Variants in AGTPBP1 observed in about 807,000 individuals in gnomAD.
AGTPBP1 encodes cytosolic carboxypeptidase 1.
A neutral mutation model predicts 143.9 loss-of-function variants in AGTPBP1; 70 were observed. The observed-to-expected ratio is 0.49, with a 90% CI of 0.40 to 0.59. AGTPBP1 has a LOEUF of 0.59. Ranked by LOEUF, AGTPBP1 falls within the 20% of genes least tolerant of loss-of-function variation. The pLI, the probability that AGTPBP1 is intolerant of heterozygous loss-of-function variation, is 0.00. For synonymous variants in AGTPBP1, 463 were observed against 500.2 expected (o/e 0.93, Z 0.99); for missense variants, 1,229 against 1,464.5 (o/e 0.84, Z 2.62).
intron 1 of AGTPBP1, among the ~76,000 whole-genome samples, chr9:85,715,439 A>G (rs1837643674): frequency 6.6e-6 from 1 of 152,142 alleles, no homozygotes; most frequent in Admixed American, 6.5e-5. Flanking sequence ...ACAGAGGAAG[A>G]CTACAAAACA....
At chr9:85,619,341 G>T in intron 15 of AGTPBP1, 40 bp from the exon 16 acceptor site, 8 of 1,391,064 alleles carry the variant, frequency 5.8e-6, no homozygotes, top group African/African-American at 1.5e-5. Context: ...AAAATACATT[G>T]CATTTAAACA....
intron 17 of AGTPBP1, among the ~76,000 whole-genome samples, chr9:85,598,756 G>C (rs574123420): frequency 1.3e-5 from 2 of 152,226 alleles, no homozygotes; most frequent in East Asian, 3.9e-4. Flanking sequence ...GTCTTGCTCT[G>C]TTGCTCAGGC....
At position 85,662,263 on chromosome 9, in the gene AGTPBP1, A is replaced by C. The variant is rs572876133; in HGVS notation, c.663-1290T>G. ...CAGTAAGAGGAAGTTCTTAATGGCTACACTTTTATTTATTGACAAAGATAA... is the reference window on the plus strand; with the variant it reads ...CAGTAAGAGGAAGTTCTTAATGGCTCCACTTTTATTTATTGACAAAGATAA... On this transcript the variant is annotated intron_variant, in intron 8 of 25. Transcript: ENST00000357081. Among the ~76,000 whole-genome samples, 78 of 152,318 alleles carry C rather than the reference A, an allele frequency of 5.1e-4. 1 individual carries two copies. Among genetic ancestry groups the C allele is most frequent in the African/African-American group, 1.9e-3 (77 of 41,576 alleles).
At chr9:85,629,302 A>T (rs907006267) in intron 14 of AGTPBP1, among the ~76,000 whole-genome samples, 1 of 152,236 alleles carries the variant, frequency 6.6e-6, no homozygotes, top group African/African-American at 2.4e-5. Context: ...GCTGGACTCT[A>T]ATCTGTAGAT....
intron 1 of AGTPBP1, among the ~76,000 whole-genome samples, chr9:85,726,056 CAAAA>C (rs948203314): frequency 2.5e-5 from 1 of 40,786 alleles, no homozygotes. Flanking sequence ...GACTCCATCT[CAAAA>C]AAAAAAAAAA....
chr9:85,686,986 AG>A (rs1218857224), intron 3 of AGTPBP1, among the ~76,000 whole-genome samples: 5 of 152,222 alleles, frequency 3.3e-5, no homozygotes, highest in Non-Finnish European at 7.3e-5. Flanking sequence ...GTTATCTTCA[AG>A]AAACACACTT....
chr9:85,633,198 G>C lies in AGTPBP1; in HGVS notation c.1479C>G (p.Thr493=). 6.2e-7 allele frequency: 1 copy of C among 1,613,402 alleles called. No homozygotes were observed. Among genetic ancestry groups the C allele is most frequent in the East Asian group, 2.2e-5 (1 of 44,852 alleles). The change falls in exon 14 of 26, where the codon ACC becomes ACG. Residue 493 remains threonine (T), a synonymous_variant. Transcript: ENST00000357081. ...TATCTTCTTTTGCTAGATCCATAAA[G>C]GTAGACTTCTTTTCACCTTCATCTC... The part of the protein sequence containing the change: ...SKGDEGEKKS[T]FMDLAKEDIK...
chr9:85,620,138 C>T (rs1008071216), intron 15 of AGTPBP1, among the ~76,000 whole-genome samples: 5 of 151,900 alleles, frequency 3.3e-5, no homozygotes, highest in African/African-American at 9.7e-5. Context: ...TAGCCAGGCA[C>T]GGTGGGTCAC....
the AGTPBP1 span, among the ~76,000 whole-genome samples, chr9:85,759,578 A>G: frequency 6.6e-6 from 1 of 152,206 alleles, no homozygotes; most frequent in Admixed American, 6.5e-5. Context: ...ACCAACGAGA[A>G]CAAAGACACA....
intron 23 of AGTPBP1, among the ~76,000 whole-genome samples, chr9:85,584,545 A>G (rs976971126): frequency 3.0e-4 from 45 of 152,174 alleles, no homozygotes; most frequent in Non-Finnish European, 8.8e-5. Flanking sequence ...ACAGGTTGGA[A>G]ATCTAGTTGA....
At chr9:85,706,256 T>A (rs987582817) in intron 2 of AGTPBP1, among the ~76,000 whole-genome samples, 1 of 151,554 alleles carries the variant, frequency 6.6e-6, no homozygotes, top group Admixed American at 6.6e-5. Flanking sequence ...CTCACACCTG[T>A]AATCCCAGCA....
intron 3 of AGTPBP1, among the ~76,000 whole-genome samples, chr9:85,684,259 T>C (rs941888120): frequency 1.3e-5 from 2 of 152,156 alleles, no homozygotes; most frequent in African/African-American, 4.8e-5. Context: ...TAACAAAACA[T>C]TTTACTAATA....
chr9:85,574,276 GCT>G (rs1827747739), intron 25 of AGTPBP1, among the ~76,000 whole-genome samples: 1 of 152,032 alleles, frequency 6.6e-6, no homozygotes, highest in African/African-American at 2.4e-5. Flanking sequence ...AAGGCAGCAT[GCT>G]CATTAAGAGT....
At chr9:85,584,034 A>G (rs1485640345) in intron 23 of AGTPBP1, among the ~76,000 whole-genome samples, 2 of 151,960 alleles carry the variant, frequency 1.3e-5, no homozygotes, top group Non-Finnish European at 2.9e-5. Context: ...AATGGTGGCA[A>G]TGATGGTGCT....
intron 5 of AGTPBP1, among the ~76,000 whole-genome samples, chr9:85,678,105 GA>G (rs1834947460): frequency 6.6e-6 from 1 of 152,170 alleles, no homozygotes; most frequent in Non-Finnish European, 1.5e-5. Flanking sequence ...AAATCACGCT[GA>G]AATTCTAGGT....
the AGTPBP1 span, among the ~76,000 whole-genome samples, chr9:85,784,006 A>C: frequency 6.6e-6 from 1 of 152,342 alleles, no homozygotes; most frequent in Admixed American, 6.5e-5. Context: ...TTGCAGAAAA[A>C]TTCATCTTTT....
chr9:85,632,561 C>T, intron 14 of AGTPBP1, 101 bp downstream of exon 14: 1 of 1,012,614 alleles, frequency 9.9e-7, no homozygotes, highest in Non-Finnish European at 1.4e-6. Flanking sequence ...ACTTATAACT[C>T]ACAGTAATTA....
At chr9:85,594,723 G>A (rs1282366139) in intron 18 of AGTPBP1, among the ~76,000 whole-genome samples, 1 of 152,188 alleles carries the variant, frequency 6.6e-6, no homozygotes, top group Non-Finnish European at 1.5e-5. Flanking sequence ...GGAAGTAGTA[G>A]CCAAAAGAAA....
At chr9:85,698,476 C>A (rs909654420) in intron 2 of AGTPBP1, among the ~76,000 whole-genome samples, 6 of 152,066 alleles carry the variant, frequency 3.9e-5, no homozygotes, top group Non-Finnish European at 8.8e-5. Flanking sequence ...TGCTGGTTGA[C>A]ACTAATGTTG....
Sources: gnomAD v4.1 joint callset for allele counts (sites outside exome capture counted in the v4.1 genomes callset) on GRCh38, gnomAD v4.1.1 for gene constraint, MANE v1.5 for transcripts, NCBI Gene and HGNC (gene_info 2026-07-23, HGNC 2026-07-21) for gene names.